The following SP110 variants were observed in gnomAD, a reference collection of about 807,000 sequenced individuals.
SP110 encodes the protein interferon-induced protein 41, 30kD.
In SP110, 62 loss-of-function variants were observed where a neutral mutation model predicts 92.7. That is an observed-to-expected ratio of 0.67 (90% CI 0.55 to 0.83). The LOEUF (loss-of-function observed/expected upper bound fraction) is 0.83, where lower values mean the gene tolerates loss of function less well. SP110 is among the 40% of genes least tolerant of loss of function. The pLI is 0.00. For synonymous variants in SP110, 273 were observed against 305.3 expected (o/e 0.89, Z 1.10); for missense variants, 793 against 863.9 (o/e 0.92, Z 1.03).
In SP110 at chr2:230,216,701, G is replaced by C. The variant is rs564958619; in HGVS notation, c.147+80C>G. ...GGCCTTCCAAACTCTGGAAGCCCTG[G>C]TGGTTTGTGGTTTGAGACTTTAATA... On this transcript the variant is annotated intron_variant, in intron 2 of 18. Transcript: ENST00000258381. The C allele has an allele frequency of 4.3e-4, 676 of 1,556,668 alleles. 1 individual carries two copies. The Middle Eastern group carries it at 6.1e-3, about 14-fold the overall frequency.
upstream of SP110, among the ~76,000 whole-genome samples, chr2:230,224,253 G>A (rs1191667849): frequency 2.0e-5 from 3 of 152,174 alleles, no homozygotes; most frequent in African/African-American, 4.8e-5. Context: ...AAAATGTCCA[G>A]TTCATTGGTG....
intron 12 of SP110, 147 bp from the exon 13 acceptor site, chr2:230,178,402 A>G: frequency 1.5e-6 from 1 of 656,660 alleles, no homozygotes; most frequent in East Asian, 2.8e-5. Flanking sequence ...CTCGAGTGAC[A>G]GATAAGCTAT....
chr2:230,177,814 G>A, intron 13 of SP110, 134 bp from the exon 14 acceptor site: 1 of 994,634 alleles, frequency 1.0e-6, no homozygotes, highest in Non-Finnish European at 1.6e-6. Flanking sequence ...GGAGTAGCAG[G>A]GGAGTCTGCG....
chr2:230,212,507 G>A (rs2044605352), intron 4 of SP110, 77 bp from the exon 5 acceptor site: 1 of 1,236,930 alleles, frequency 8.1e-7, no homozygotes, highest in East Asian at 2.3e-5. Flanking sequence ...AAAGTGCCTG[G>A]GGCAGATAGA....
At chr2:230,214,372 T>G (rs2044855578) in intron 3 of SP110, among the ~76,000 whole-genome samples, 2 of 152,190 alleles carry the variant, frequency 1.3e-5, no homozygotes, top group South Asian at 4.1e-4. Flanking sequence ...GTTAAAATCT[T>G]GGGCCCTGGT....
intron 11 of SP110, among the ~76,000 whole-genome samples, chr2:230,185,539 T>G (rs2042318926): frequency 6.6e-6 from 1 of 152,150 alleles, no homozygotes; most frequent in East Asian, 1.9e-4. Context: ...AAACAGACAA[T>G]TTAGGCAATT....
rs2044954272 is a variant in SP110 at position 230,215,064 on chromosome 2, T to C, written c.202A>G (p.Ile68Val). ...LIPVSRVVHN[I>V]LTQLERTFNL... ...AAAGTCCTCTCCAGTTGGGTGAGAA[T>C]GTTGTGCACCACTCTGGATACAGGG... is the stretch of plus-strand genomic sequence containing the variant. Residue 68 changes from isoleucine (I) to valine (V), a missense_variant, in exon 3 of 19, where the codon ATT (isoleucine) becomes GTT (valine). Transcript: ENST00000258381. 1.2e-6 allele frequency: 2 copies of C among 1,613,800 alleles called. No homozygotes were observed. Among genetic ancestry groups the C allele is most frequent in the South Asian group, 1.1e-5 (1 of 91,080 alleles).
chr2:230,169,538 G>A (rs568923092), intron 18 of SP110, among the ~76,000 whole-genome samples: 2 of 152,234 alleles, frequency 1.3e-5, no homozygotes, highest in South Asian at 4.1e-4. Context: ...GCTCAGGCTG[G>A]TCTCAAACTC....
intron 15 of SP110, 71 bp downstream of exon 15, chr2:230,172,773 G>A (rs1014652807): frequency 1.9e-5 from 20 of 1,040,334 alleles, no homozygotes; most frequent in Admixed American, 3.5e-5. Flanking sequence ...CGTCCCCGAC[G>A]CTCACAGGTC....
At chr2:230,198,407 T>C (rs941579556) in intron 10 of SP110, among the ~76,000 whole-genome samples, 1 of 152,174 alleles carries the variant, frequency 6.6e-6, no homozygotes, top group Non-Finnish European at 1.5e-5. Context: ...AGGGCAGTCA[T>C]AATGCCCACC....
In SP110 at chr2:230,168,577, C is replaced by T. The variant is rs994585754; in HGVS notation, c.*547G>A. The T allele has an allele frequency of 2.0e-5, 3 of 152,838 alleles. No homozygotes were observed. Among genetic ancestry groups the T allele is most frequent in the Non-Finnish European group, 4.4e-5 (3 of 68,622 alleles). The allele number at this position is 152,838 out of a possible 1,614,324, so 9.5% of individuals were successfully genotyped here. A position where few individuals can be genotyped will look rare whatever the true frequency, so the allele number is the denominator to read the frequency against. ...GTGAAGCCTGCATGTGCCCCAAAAC[C>T]CCCAAATCAAAACAAACCCCTCAAA... is the stretch of plus-strand genomic sequence containing the variant. On this transcript the variant is annotated 3_prime_UTR_variant, in exon 19 of 19. Transcript: ENST00000258381.
At chr2:230,192,909 C>T (rs1472947977) in intron 10 of SP110, among the ~76,000 whole-genome samples, 1 of 151,944 alleles carries the variant, frequency 6.6e-6, no homozygotes, top group Non-Finnish European at 1.5e-5. Flanking sequence ...TCTTTTTTGA[C>T]TTTCTGTCTC....
At chr2:230,179,724 T>C (rs1160303900) in intron 12 of SP110, among the ~76,000 whole-genome samples, 1 of 151,900 alleles carries the variant, frequency 6.6e-6, no homozygotes, top group Non-Finnish European at 1.5e-5. Context: ...CACAGAAATG[T>C]CTTCTCTAAT....
At chr2:230,173,369 C>T (rs1350457782) in intron 14 of SP110, 2 of 265,644 alleles carry the variant, frequency 7.5e-6, no homozygotes, top group African/African-American at 4.4e-5. Flanking sequence ...AGTATGGGAA[C>T]TGTTGTTCCT....
chr2:230,199,071 A>T (rs1559159890), intron 10 of SP110, among the ~76,000 whole-genome samples: 2 of 151,936 alleles, frequency 1.3e-5, no homozygotes, highest in East Asian at 3.8e-4. Context: ...GAATAAGCCC[A>T]GGACCCTACA....
intron 12 of SP110, among the ~76,000 whole-genome samples, chr2:230,181,602 C>T (rs2042129557): frequency 3.3e-5 from 5 of 151,992 alleles, no homozygotes; most frequent in South Asian, 4.1e-4. Flanking sequence ...AACAAATTTA[C>T]AAGAAAAAAG....
chr2:230,180,004 A>G (rs116561487), intron 12 of SP110, among the ~76,000 whole-genome samples: 2,115 of 152,224 alleles, frequency 0.014, 41 homozygotes, highest in African/African-American at 0.049. Flanking sequence ...TCACCTACTC[A>G]TCTTACCAAC....
chr2:230,178,369 T>A (rs1483873495), intron 12 of SP110, 114 bp from the exon 13 acceptor site: 13 of 710,636 alleles, frequency 1.8e-5, no homozygotes, highest in Admixed American at 4.1e-5. Flanking sequence ...CGTTCTCTGG[T>A]TAGTTTGCAG....
intron 14 of SP110, among the ~76,000 whole-genome samples, chr2:230,174,474 A>G (rs748033847): frequency 2.0e-5 from 3 of 152,224 alleles, no homozygotes; most frequent in Non-Finnish European, 4.4e-5. Flanking sequence ...TTCACTGTGG[A>G]AGCTTTGGCA....
Sources: allele counts gnomAD v4.1 joint callset (sites outside exome capture counted in the v4.1 genomes callset), GRCh38; gene constraint gnomAD v4.1.1; transcripts MANE v1.5; gene names NCBI Gene and HGNC (gene_info 2026-07-23, HGNC 2026-07-21).